Variants in KCNS1 observed in about 807,000 individuals in gnomAD.
KCNS1 encodes the protein potassium voltage-gated channel modifier subfamily S member 1.
A neutral mutation model predicts 33.1 loss-of-function variants in KCNS1; 26 were observed. That is an observed-to-expected ratio of 0.79 (90% CI 0.58 to 1.09). The LOEUF is 1.09. Among genes scored for constraint, KCNS1 ranks in the 50% least tolerant of loss-of-function variants. KCNS1 has a pLI of 0.00. For missense variants in KCNS1, 702 were observed against 752.4 expected (o/e 0.93, Z 0.78); for synonymous variants, 299 against 338.8 (o/e 0.88, Z 1.29).
At chr20:45,096,372 A>T (rs1300171615) in intron 3 of KCNS1, among the ~76,000 whole-genome samples, 3 of 152,108 alleles carry the variant, frequency 2.0e-5, no homozygotes, top group Admixed American at 2.0e-4. Flanking sequence ...GGCTCTCTGC[A>T]TGGAGGGGAC....
chr20:45,096,126 C>T (rs1307448853), intron 3 of KCNS1, among the ~76,000 whole-genome samples: 1 of 152,190 alleles, frequency 6.6e-6, no homozygotes, highest in Non-Finnish European at 1.5e-5. Flanking sequence ...TTAATGCGTG[C>T]AGGAATCATG....
chr20:45,096,104 G>C (rs767276081), intron 3 of KCNS1, among the ~76,000 whole-genome samples: 8 of 152,206 alleles, frequency 5.3e-5, no homozygotes, highest in Non-Finnish European at 1.0e-4. Context: ...CTAAAGCAGA[G>C]TCTCTCCAAC....
chr20:45,097,875 G>A lies in KCNS1; in HGVS notation c.897C>T (p.Asn299=), dbSNP rs762913469. 1.2e-6 allele frequency: 2 copies of A among 1,612,564 alleles called. No individual in the cohort carries two copies. The highest frequency in any genetic ancestry group is 2.2e-5 in the South Asian group (2 of 90,904). Residue 299 remains asparagine (N), a synonymous_variant, in exon 3 of 4, where the codon AAC becomes AAT. Coordinates refer to ENST00000537075, the MANE Select transcript of KCNS1 (RefSeq NM_001322799.2). ...SRLLLAPSTR[N]FFCHPLNLID... is the part of the protein sequence containing the mutation. ...TGAGGTTGAGCGGGTGGCAGAAGAA[G>A]TTGCGCGTACTGGGCGCCAGCAGGA...
rs1392785550 is a variant in KCNS1 at position 45,097,967 on chromosome 20, C to T, written c.805G>A (p.Asp269Asn). ...AGRSPEGVRD[D>N]PVLRRLEYFC... ...TACTCGAGGCGTCGCAGCACCGGGTCGTCGCGCACGCCTTCCGGGCTGCGG... is the reference window on the plus strand; with the variant it reads ...TACTCGAGGCGTCGCAGCACCGGGTTGTCGCGCACGCCTTCCGGGCTGCGG... Residue 269 changes from aspartate to asparagine, a missense_variant, in exon 3 of 4, where the codon GAC becomes AAC. Around this residue, in one of 3 missense-constraint regions of KCNS1, gnomAD observed 253 missense variants for 327.4 expected, o/e 0.77. Coordinates refer to ENST00000537075, the MANE Select transcript of KCNS1 (RefSeq NM_001322799.2). The T allele has an allele frequency of 3.2e-6, 5 of 1,555,334 alleles. No individual in the cohort carries two copies. Among genetic ancestry groups the T allele is most frequent in the Non-Finnish European group, 2.6e-6 (3 of 1,151,084 alleles).
At position 45,098,232 on chromosome 20, in the gene KCNS1, G is replaced by A; in HGVS notation, c.540C>T (p.Cys180=). ...GCTGCACGTCGGAGATCTCGTCGGG[G>A]CACGGGTCCACGCTGCTCGGCGTGT... ...DSDTPSSVDP[C]PDEISDVQRE... is the part of the protein sequence containing the mutation. Residue 180 remains cysteine (C), a synonymous_variant, in exon 3 of 4, where the codon TGC becomes TGT. Transcript: ENST00000537075. The surrounding 1 kb of genome is among the most constrained non-coding windows in gnomAD (Gnocchi z 5.2). The A allele has an allele frequency of 6.2e-7, 1 of 1,603,072 alleles. No homozygotes were observed. The highest frequency in any genetic ancestry group is 8.5e-7 in the Non-Finnish European group (1 of 1,176,148).
At chr20:45,099,059 G>A (rs1177099923) in intron 2 of KCNS1, 102 bp downstream of exon 2, 2 of 1,349,142 alleles carry the variant, frequency 1.5e-6, no homozygotes, top group East Asian at 2.5e-5. Flanking sequence ...CCTTTTCCAG[G>A]ACAAACTTGG....
In KCNS1 at chr20:45,095,335, G is replaced by C; in HGVS notation, c.1116C>G (p.Ser372Arg). The C allele has an allele frequency of 6.2e-7, 1 of 1,611,476 alleles. No individual in the cohort carries two copies. The highest frequency in any genetic ancestry group is 8.5e-7 in the Non-Finnish European group (1 of 1,178,650). Residue 372 changes from serine (S) to arginine (R), a missense_variant, in exon 4 of 4, where the codon AGC becomes AGG. Ser to Arg is a moderately radical substitution (Grantham distance 110). This residue lies in a region of KCNS1 where 253 missense variants were observed against 327.4 expected (regional missense o/e 0.77). Transcript: ENST00000537075. ...GCAGCAAGATGCCCACCTCACGGTA[G>C]CTGTGCTGAAAGAGAATGTAGAAAG... is the stretch of plus-strand genomic sequence containing the variant. ...LRSLGATLKH[S>R]YREVGILLLY... is the part of the protein sequence containing the mutation.
Position 45,099,222 on chromosome 20 carries a change from C to G in KCNS1, c.15G>C (p.Leu5=), listed in dbSNP as rs142650067. The G allele has an allele frequency of 7.6e-5, 114 of 1,494,498 alleles. No homozygotes were observed. The African/African-American group carries it at 1.6e-3, about 21-fold the overall frequency. The allele number at this position is 1,494,498 out of a possible 1,614,324, so 92.6% of individuals were successfully genotyped here. A position where few individuals can be genotyped will look rare whatever the true frequency, so the allele number is the denominator to read the frequency against. Residue 5 remains leucine (L), a synonymous_variant, in exon 2 of 4, where the codon CTG becomes CTC. Coordinates refer to ENST00000537075, the MANE Select transcript of KCNS1 (RefSeq NM_001322799.2). ...GGTTCTCATAGTGTGTTCCCCGGACCAGCAGCATCAGCATCACCTGGGAAT... is the reference window on the plus strand; with the variant it reads ...GGTTCTCATAGTGTGTTCCCCGGACGAGCAGCATCAGCATCACCTGGGAAT... MLML[L]VRGTHYENLR...
chr20:45,096,281 A>G (rs1335885667), intron 3 of KCNS1, among the ~76,000 whole-genome samples: 2 of 152,118 alleles, frequency 1.3e-5, no homozygotes, highest in Non-Finnish European at 2.9e-5. Flanking sequence ...AGTATATTAC[A>G]CCTGCATCTT....
intron 2 of KCNS1, 72 bp downstream of exon 2, chr20:45,099,089 C>T (rs1248091607): frequency 6.6e-7 from 1 of 1,512,188 alleles, no homozygotes. Flanking sequence ...CACCAAAGGT[C>T]TACTGTGGGA....
At position 45,094,591 on chromosome 20, in the gene KCNS1, G is replaced by C; in HGVS notation, c.*279C>G. 2 of 381,120 alleles carry C rather than the reference G, an allele frequency of 5.2e-6. No homozygotes were observed. Among genetic ancestry groups the C allele is most frequent in the South Asian group, 4.2e-5 (1 of 24,076 alleles). The allele number at this position is 381,120 out of a possible 1,614,324, so 23.6% of individuals were successfully genotyped here. ...TGGTTCATGTACAGGAGGTGCTCAG[G>C]AATCATTAGTATCCTTTCAACTTCC... On this transcript the variant is annotated 3_prime_UTR_variant, in exon 4 of 4. Coordinates refer to ENST00000537075, the MANE Select transcript of KCNS1 (RefSeq NM_001322799.2).
Position 45,098,036 on chromosome 20 carries a change from G to A in KCNS1, c.736C>T (p.Gln246Ter). Reference protein sequence around the residue: ...AMCIHSLPEYQAREAAAAVAA... With the variant: ...AMCIHSLPEY The stretch of plus-strand genomic sequence containing the variant: ...ACGGCGGCCGCCGCCTCGCGGGCCT[G>A]GTACTCGGGCAGGCTGTGGATGCAC... Residue 246 changes from glutamine (Q) to a stop codon, truncating the protein, a stop_gained, in exon 3 of 4, where the codon CAG (glutamine) becomes TAG (stop). Transcript: ENST00000537075. LOFTEE classifies it high-confidence loss of function. This position sits in a 1 kb window ranked among gnomAD's most constrained non-coding sequence, Gnocchi z 5.2. 1.3e-6 allele frequency: 2 copies of A among 1,521,848 alleles called. No individual in the cohort carries two copies. The highest frequency in any genetic ancestry group is 1.8e-6 in the Non-Finnish European group (2 of 1,136,810). 94.3% of individuals were successfully genotyped at this position (1,521,848 alleles called of 1,614,324 possible).
chr20:45,097,510 T>C (rs1403704915), intron 3 of KCNS1, 152 bp downstream of exon 3: 3 of 730,880 alleles, frequency 4.1e-6, no homozygotes, highest in Admixed American at 5.3e-5. Flanking sequence ...ATGTGAAACG[T>C]ACACCTGGTG....
chr20:45,099,757 T>C (rs1355638585), intron 1 of KCNS1, among the ~76,000 whole-genome samples: 1 of 152,188 alleles, frequency 6.6e-6, no homozygotes, highest in Non-Finnish European at 1.5e-5. Context: ...TTATAGAAAG[T>C]GCTCAGCCTT....
In KCNS1 at chr20:45,092,886, T is replaced by G. The variant is rs1981043149; in HGVS notation, c.*1984A>C. On this transcript the variant is annotated 3_prime_UTR_variant, in exon 4 of 4. Coordinates refer to ENST00000537075, the MANE Select transcript of KCNS1 (RefSeq NM_001322799.2). ...TTCTCGGGCCATGGTCCCTGATACA[T>G]TATACACACCTGTACTTAGTAGAGC... 1 of 152,102 alleles carries G rather than the reference T, an allele frequency of 6.6e-6. No individual in the cohort carries two copies. Among genetic ancestry groups the G allele is most frequent in the Non-Finnish European group, 1.5e-5 (1 of 68,018 alleles). 9.4% of individuals were successfully genotyped at this position (152,102 alleles called of 1,614,324 possible).
At position 45,093,694 on chromosome 20, in the gene KCNS1, G is replaced by C. The variant is rs981607018; in HGVS notation, c.*1176C>G. On this transcript the variant is annotated 3_prime_UTR_variant, in exon 4 of 4. Coordinates refer to ENST00000537075, the MANE Select transcript of KCNS1 (RefSeq NM_001322799.2). ...AGAGATATGCCCCCAGCAAGGGTGA[G>C]GGGGCTGGAGCTGGCCAGAAGGGAG... 3 of 152,466 alleles carry C rather than the reference G, an allele frequency of 2.0e-5. No homozygotes were observed. The highest frequency in any genetic ancestry group is 4.8e-5 in the African/African-American group (2 of 41,472). The allele number at this position is 152,466 out of a possible 1,614,324, so 9.4% of individuals were successfully genotyped here. A position where few individuals can be genotyped will look rare whatever the true frequency, so the allele number is the denominator to read the frequency against.
In KCNS1 at chr20:45,098,001, C is replaced by T. The variant is rs1181799305; in HGVS notation, c.771G>A (p.Val257=). ...AREAAAAVAA[V]AAGRSPEGVR... ...CGCCTTCCGGGCTGCGGCCCGCGGC[C>T]ACCGCAGCCACGGCGGCCGCCGCCT... Residue 257 remains valine, a synonymous_variant, in exon 3 of 4, where the codon GTG becomes GTA. Transcript: ENST00000537075. This position sits in a 1 kb window ranked among gnomAD's most constrained non-coding sequence, Gnocchi z 5.2. 1.5e-5 allele frequency: 22 copies of T among 1,516,344 alleles called. No homozygotes were observed. The highest frequency in any genetic ancestry group is 1.7e-5 in the Non-Finnish European group (19 of 1,136,060). The allele number at this position is 1,516,344 out of a possible 1,614,324, so 93.9% of individuals were successfully genotyped here.
rs1301221694 is a variant in KCNS1, at chr20:45,092,035, A to G, written c.*2835T>C. ...TTCCAATAAATTCATTTTTTGCTTG[A>G]TGTCAGTTTGTTGCTTATACCCTCA... On this transcript the variant is annotated 3_prime_UTR_variant, in exon 4 of 4. Transcript: ENST00000537075. 3.3e-5 allele frequency among the ~76,000 whole-genome samples: 5 copies of G among 152,162 alleles called. No individual in the cohort carries two copies. The highest frequency in any genetic ancestry group is 7.3e-5 in the Non-Finnish European group (5 of 68,028).
Position 45,098,831 on chromosome 20 carries a change from G to T in KCNS1, c.77-136C>A. ...GTGAAGCATCTGGTATGCAGGAGGC[G>T]CTCAGTAGATGTCAGGTGCCCTCTG... On this transcript the variant is annotated intron_variant, in intron 2 of 3. Coordinates refer to ENST00000537075, the MANE Select transcript of KCNS1 (RefSeq NM_001322799.2). This position sits in a 1 kb window ranked among gnomAD's most constrained non-coding sequence, Gnocchi z 5.2. The T allele has an allele frequency of 3.6e-6, 3 of 840,476 alleles. No individual in the cohort carries two copies. The highest frequency in any genetic ancestry group is 5.1e-6 in the Non-Finnish European group (3 of 588,304). 52.1% of individuals were successfully genotyped at this position (840,476 alleles called of 1,614,324 possible).
Sources: allele counts gnomAD v4.1 joint callset (sites outside exome capture counted in the v4.1 genomes callset), GRCh38; gene constraint gnomAD v4.1.1; regional missense constraint gnomAD v4.1.1; non-coding constraint Gnocchi (gnomAD v3.1); transcripts MANE v1.5; gene names NCBI Gene and HGNC (gene_info 2026-07-23, HGNC 2026-07-21).